GTPBP1: variants seen among roughly 807,000 people sequenced by gnomAD.
The protein encoded by GTPBP1 is GTP-binding protein 1.
In GTPBP1, 23 loss-of-function variants were observed where a neutral mutation model predicts 62.0. That is an observed-to-expected ratio of 0.37 (90% CI 0.27 to 0.53). GTPBP1 has a LOEUF of 0.53. Ranked by LOEUF, GTPBP1 falls within the 20% of genes least tolerant of loss-of-function variation. GTPBP1 has a pLI of 0.89. For synonymous variants in GTPBP1, 344 were observed against 364.4 expected (o/e 0.94, Z 0.64); for missense variants, 640 against 917.3 (o/e 0.70, Z 3.90).
At chr22:38,709,823 A>G (rs1170332559) in intron 2 of GTPBP1, among the ~76,000 whole-genome samples, 2 of 152,234 alleles carry the variant, frequency 1.3e-5, no homozygotes, top group African/African-American at 2.4e-5. Flanking sequence ...CCTGTCAGAC[A>G]CATAGGCTTG....
downstream of GTPBP1, chr22:38,742,722 C>T (rs1253715911): frequency 1.2e-6 from 1 of 834,326 alleles, no homozygotes; most frequent in Non-Finnish European, 1.8e-6. Context: ...GGGCTGCCGA[C>T]CTCTGAGCTG....
At position 38,723,168 on chromosome 22, in the gene GTPBP1, C is replaced by T. The variant is rs1234277054; in HGVS notation, c.959-1129C>T. Reference sequence around the variant, plus strand: ...TCCTTAGCTTTGTCACTAAAAGCAACAGTTTCTGTAGGACCACGAAGGTGA... The same window carrying T: ...TCCTTAGCTTTGTCACTAAAAGCAATAGTTTCTGTAGGACCACGAAGGTGA... On this transcript the variant is annotated intron_variant, in intron 5 of 11. Coordinates refer to ENST00000216044, the MANE Select transcript of GTPBP1 (RefSeq NM_004286.5). 9.5e-6 allele frequency: 8 copies of T among 840,970 alleles called. No homozygotes were observed. The Admixed American group carries it at 1.4e-4, about 15-fold the overall frequency. The allele number at this position is 840,970 out of a possible 1,614,324, so 52.1% of individuals were successfully genotyped here.
In GTPBP1 at chr22:38,715,889, C is replaced by G; in HGVS notation, c.305-18C>G. The G allele has an allele frequency of 6.3e-7, 1 of 1,590,534 alleles. No homozygotes were observed. The highest frequency in any genetic ancestry group is 1.1e-5 in the South Asian group (1 of 88,792). ...TCAGGACTCCCTCTCCTGCTGATGT[C>G]TGGGCTCTTGTCACCAGATGGGACT... is the stretch of plus-strand genomic sequence containing the variant. On this transcript the variant is annotated intron_variant, in intron 2 of 11. Transcript: ENST00000216044.
chr22:38,721,352 ACAGGAGTGAG>A (rs2092699764), intron 4 of GTPBP1, among the ~76,000 whole-genome samples: 1 of 152,204 alleles, frequency 6.6e-6, no homozygotes, highest in Non-Finnish European at 1.5e-5. Context: ...TGCTGGGGTT[ACAGGAGTGAG>A]CCACCGTGCC....
At chr22:38,712,531 T>A (rs1053613016) in intron 2 of GTPBP1, among the ~76,000 whole-genome samples, 1 of 151,996 alleles carries the variant, frequency 6.6e-6, no homozygotes, top group African/African-American at 2.4e-5. Context: ...AGAATACATA[T>A]AAGAAAAGTG....
At chr22:38,719,086 GC>G (rs1367002571) in intron 4 of GTPBP1, among the ~76,000 whole-genome samples, 1 of 151,880 alleles carries the variant, frequency 6.6e-6, no homozygotes, top group African/African-American at 2.4e-5. Flanking sequence ...GTTCACTTCA[GC>G]CTCCGCCTCT....
chr22:38,739,792 G>A (rs145490494), downstream of GTPBP1: 66 of 1,613,578 alleles, frequency 4.1e-5, no homozygotes, highest in African/African-American at 4.8e-4. The surrounding 1 kb of genome is among the most constrained non-coding windows in gnomAD (Gnocchi z 6.7). Context: ...TTCCCTGGCC[G>A]ACTTGCCCTG....
At chr22:38,719,241 C>T (rs953249773) in intron 4 of GTPBP1, among the ~76,000 whole-genome samples, 1 of 152,100 alleles carries the variant, frequency 6.6e-6, no homozygotes, top group Non-Finnish European at 1.5e-5. Flanking sequence ...TCCTGACCTC[C>T]AGCAATCTGC....
At chr22:38,742,091 C>T (rs1056420969), downstream of GTPBP1, among the ~76,000 whole-genome samples, 7 of 150,784 alleles carry the variant, frequency 4.6e-5, no homozygotes, top group Non-Finnish European at 7.4e-5. Flanking sequence ...TGTAGTGAGT[C>T]GAGATCACGC....
At chr22:38,719,028 T>TG (rs1313203353) in intron 4 of GTPBP1, among the ~76,000 whole-genome samples, 1 of 152,158 alleles carries the variant, frequency 6.6e-6, no homozygotes, top group Non-Finnish European at 1.5e-5. Flanking sequence ...TTTTTTGAGA[T>TG]GGAGTCTTGC....
chr22:38,738,737 G>A (rs749129041), downstream of GTPBP1: 3 of 1,613,564 alleles, frequency 1.9e-6, no homozygotes, highest in Non-Finnish European at 2.5e-6. This position sits in a 1 kb window ranked among gnomAD's most constrained non-coding sequence, Gnocchi z 6.6. Flanking sequence ...CCCAGCAGTT[G>A]CCTGGGTGCA....
downstream of GTPBP1, chr22:38,740,195 T>G: frequency 6.9e-7 from 1 of 1,451,742 alleles, no homozygotes; most frequent in Non-Finnish European, 9.1e-7. The surrounding 1 kb of genome is among the most constrained non-coding windows in gnomAD (Gnocchi z 4.8). Context: ...GGTGCTGCTT[T>G]GCAGGCCCCA....
downstream of GTPBP1, chr22:38,738,409 C>T: frequency 1.8e-6 from 2 of 1,106,516 alleles, no homozygotes; most frequent in Non-Finnish European, 1.3e-6. The surrounding 1 kb of genome is among the most constrained non-coding windows in gnomAD (Gnocchi z 6.6). Context: ...GCCACAGTTT[C>T]TGCCTCCAAA....
chr22:38,712,122 C>T (rs1204501369), intron 2 of GTPBP1, among the ~76,000 whole-genome samples: 1 of 152,080 alleles, frequency 6.6e-6, no homozygotes, highest in African/African-American at 2.4e-5. Flanking sequence ...CTCAGGTGAT[C>T]CCCCTGAGCC....
At chr22:38,706,209 G>C in intron 1 of GTPBP1, 62 bp downstream of exon 1, 1 of 1,070,648 alleles carries the variant, frequency 9.3e-7, no homozygotes, top group East Asian at 3.4e-5. Flanking sequence ...GCAGTCTCCC[G>C]GGCGACGGCG....
In GTPBP1 at chr22:38,716,838, A is replaced by C. The variant is rs1344625901; in HGVS notation, c.672A>C (p.Val224=). The change falls in exon 4 of 12, where the codon GTA becomes GTC. Residue 224 remains valine, a synonymous_variant. Coordinates refer to ENST00000216044, the MANE Select transcript of GTPBP1 (RefSeq NM_004286.5). The surrounding 1 kb of genome is among the most constrained non-coding windows in gnomAD (Gnocchi z 5.2). ...TGGGCTTTGACAGTGAAGGCAATGT[A>C]GTGAACAAGCCTGACAGCCACGGCG... The part of the protein sequence containing the change: ...DILGFDSEGN[V]VNKPDSHGGS... 6.2e-7 allele frequency: 1 copy of C among 1,614,212 alleles called. No homozygotes were observed. Among genetic ancestry groups the C allele is most frequent in the Non-Finnish European group, 8.5e-7 (1 of 1,180,010 alleles).
chr22:38,713,798 T>C (rs2092653594), intron 2 of GTPBP1, among the ~76,000 whole-genome samples: 1 of 152,208 alleles, frequency 6.6e-6, no homozygotes, highest in South Asian at 2.1e-4. Context: ...TGTGCTGTTG[T>C]TTAAAAGAGG....
In GTPBP1 at chr22:38,729,469, A is replaced by G. The variant is rs1310485580; in HGVS notation, c.1724A>G (p.Gln575Arg). 1 of 1,602,254 alleles carries G rather than the reference A, an allele frequency of 6.2e-7. No individual in the cohort carries two copies. Among genetic ancestry groups the G allele is most frequent in the African/African-American group, 1.4e-5 (1 of 73,904 alleles). ...TCTCCATGGCTCCCACAGCTCCTCC[A>G]GACCACCAACAACTCCCCAATGAAC... Reference protein sequence around the residue: ...KAVGTITKLLQTTNNSPMNSK... With the variant: ...KAVGTITKLLRTTNNSPMNSK... The change falls in exon 11 of 12, where the codon CAG becomes CGG. Residue 575 changes from glutamine to arginine, a missense_variant. Coordinates refer to ENST00000216044, the MANE Select transcript of GTPBP1 (RefSeq NM_004286.5).
At chr22:38,715,765 CAGGT>C in intron 2 of GTPBP1, 138 bp from the exon 3 acceptor site, 1 of 664,990 alleles carries the variant, frequency 1.5e-6, no homozygotes, top group Non-Finnish European at 2.6e-6. Flanking sequence ...GGTTTTCTCT[CAGGT>C]AGAGAGGACC....
Sources: allele counts gnomAD v4.1 joint callset (sites outside exome capture counted in the v4.1 genomes callset), GRCh38; gene constraint gnomAD v4.1.1; non-coding constraint Gnocchi (gnomAD v3.1); transcripts MANE v1.5; gene names NCBI Gene and HGNC (gene_info 2026-07-23, HGNC 2026-07-21).